Variants in CCSER1 observed in about 807,000 individuals in gnomAD.
CCSER1 encodes coiled-coil serine rich protein 1, also known as serine-rich coiled-coil domain-containing protein 1.
CCSER1 carries 41 observed loss-of-function variants against 82.0 expected under a neutral mutation model. That is an observed-to-expected ratio of 0.50 (90% confidence interval 0.39 to 0.65). CCSER1 has a LOEUF of 0.65. CCSER1 is among the 30% of genes least tolerant of loss of function. CCSER1 has a pLI of 0.00. For missense variants in CCSER1, 1,119 were observed against 1,064.2 expected, an observed-to-expected ratio of 1.05 and a Z score of -0.72; for synonymous variants, 414 against 383.9, an observed-to-expected ratio of 1.08 and a Z score of -0.92.
At chr4:90,556,115 T>C in intron 5 of CCSER1, among the ~76,000 whole-genome samples, 1 of 152,138 alleles carries the variant, frequency 6.6e-6, no homozygotes, top group East Asian at 1.9e-4. Flanking sequence ...CACTTTGAGC[T>C]ACTCATCTGG....
chr4:91,431,571 G>A (rs572828006), intron 10 of CCSER1, among the ~76,000 whole-genome samples: 201 of 152,054 alleles, frequency 1.3e-3, no homozygotes, highest in African/African-American at 4.6e-3. Context: ...AGGTTCAAGC[G>A]ATTCTCCTGC....
chr4:91,231,413 C>A (rs931077449), intron 10 of CCSER1, among the ~76,000 whole-genome samples: 4 of 151,816 alleles, frequency 2.6e-5, no homozygotes, highest in African/African-American at 7.2e-5. Flanking sequence ...CCTACACACA[C>A]ATACACATAT....
At chr4:90,624,562 T>C (rs760028462) in intron 5 of CCSER1, among the ~76,000 whole-genome samples, 8 of 152,166 alleles carry the variant, frequency 5.3e-5, no homozygotes, top group Non-Finnish European at 8.8e-5. Context: ...GATAAGAAAT[T>C]CCTTTCACAC....
chr4:90,411,401 C>T (rs372679300), intron 4 of CCSER1, among the ~76,000 whole-genome samples: 2 of 152,176 alleles, frequency 1.3e-5, no homozygotes, highest in East Asian at 3.8e-4. Context: ...CTGAATCCAG[C>T]AACACATCAA....
intron 10 of CCSER1, among the ~76,000 whole-genome samples, chr4:91,091,313 G>A (rs1032662215): frequency 6.6e-6 from 1 of 152,078 alleles, no homozygotes. Flanking sequence ...GGTTCAGAGG[G>A]GTCATAGCAC....
At chr4:90,730,339 CT>C in intron 7 of CCSER1, among the ~76,000 whole-genome samples, 1 of 151,994 alleles carries the variant, frequency 6.6e-6, no homozygotes. Context: ...TTAGAAATCG[CT>C]TTTTTAATGT....
At chr4:90,418,147 C>A (rs915204952) in intron 4 of CCSER1, among the ~76,000 whole-genome samples, 4 of 151,866 alleles carry the variant, frequency 2.6e-5, no homozygotes, top group Non-Finnish European at 5.9e-5. Context: ...AAAATGGGCG[C>A]GATGATGTAT....
At chr4:90,230,342 G>T (rs1744212150) in intron 1 of CCSER1, among the ~76,000 whole-genome samples, 1 of 152,104 alleles carries the variant, frequency 6.6e-6, no homozygotes, top group South Asian at 2.1e-4. Flanking sequence ...CAACTACATG[G>T]AAACTGAACA....
chr4:91,035,948 G>A (rs1350495459), intron 9 of CCSER1, among the ~76,000 whole-genome samples: 1 of 152,190 alleles, frequency 6.6e-6, no homozygotes, highest in Non-Finnish European at 1.5e-5. Flanking sequence ...CCACTTGGCT[G>A]GCTATTCTAG....
chr4:90,891,717 C>T (rs748040541), intron 8 of CCSER1, among the ~76,000 whole-genome samples: 2 of 152,036 alleles, frequency 1.3e-5, no homozygotes, highest in African/African-American at 4.8e-5. Context: ...CTTTTACCAG[C>T]TGGTTTCCTT....
intron 5 of CCSER1, among the ~76,000 whole-genome samples, chr4:90,557,215 C>T (rs992338709): frequency 3.9e-5 from 6 of 151,924 alleles, no homozygotes; most frequent in South Asian, 2.1e-4. Context: ...AATTGCTCAG[C>T]GGATAATACC....
At chr4:90,582,747 G>T (rs1170407352) in intron 5 of CCSER1, among the ~76,000 whole-genome samples, 1 of 152,156 alleles carries the variant, frequency 6.6e-6, no homozygotes, top group East Asian at 1.9e-4. Flanking sequence ...GATATTTAAA[G>T]TAACCCTTTT....
rs1755513088 is a variant in CCSER1, at chr4:90,414,605, T to G, written c.1603+14476T>G. On this transcript the variant is annotated intron_variant, in intron 4 of 10. Transcript: ENST00000509176. Reference sequence around the variant, plus strand: ...ACACTTTTTATCTGTCCTCACTTTCTTATTCATGTTTGTATAGTATTGTTT... The same window carrying G: ...ACACTTTTTATCTGTCCTCACTTTCGTATTCATGTTTGTATAGTATTGTTT... Among the ~76,000 whole-genome samples the G allele has an allele frequency of 2.0e-5, 3 of 152,160 alleles. No individual in the cohort carries two copies. The South Asian group carries it at 6.2e-4, about 32-fold the overall frequency.
At chr4:91,342,751 A>T (rs1747800333) in intron 10 of CCSER1, among the ~76,000 whole-genome samples, 1 of 152,152 alleles carries the variant, frequency 6.6e-6, no homozygotes, top group South Asian at 2.1e-4. Flanking sequence ...TGTTTCAATT[A>T]CATATAGGTT....
chr4:91,249,085 C>T (rs1267100289), intron 10 of CCSER1, among the ~76,000 whole-genome samples: 1 of 152,076 alleles, frequency 6.6e-6, no homozygotes, highest in Admixed American at 6.5e-5. Flanking sequence ...GTATAAATCA[C>T]ATAAATCAAG....
chr4:91,479,608 G>A (rs2110038489), intron 10 of CCSER1, among the ~76,000 whole-genome samples: 1 of 151,298 alleles, frequency 6.6e-6, no homozygotes, highest in East Asian at 1.9e-4. Flanking sequence ...CAATAATGCT[G>A]TTCAGGGTAT....
chr4:91,230,013 C>A (rs1412523826), intron 10 of CCSER1, among the ~76,000 whole-genome samples: 3 of 152,080 alleles, frequency 2.0e-5, no homozygotes, highest in African/African-American at 4.8e-5. Flanking sequence ...AAATTAATTT[C>A]TTTTGTACCC....
At chr4:90,432,826 A>G (rs1758474972) in intron 4 of CCSER1, among the ~76,000 whole-genome samples, 1 of 152,140 alleles carries the variant, frequency 6.6e-6, no homozygotes, top group African/African-American at 2.4e-5. Flanking sequence ...AGCATTGAGT[A>G]AATACTAGTT....
chr4:91,523,666 G>T (rs1236050686), intron 10 of CCSER1, among the ~76,000 whole-genome samples: 2 of 152,152 alleles, frequency 1.3e-5, no homozygotes, highest in African/African-American at 4.8e-5. Flanking sequence ...TTGCGTAGAG[G>T]TGTTTCTGGT....
Sources: allele counts gnomAD v4.1 joint callset (sites outside exome capture counted in the v4.1 genomes callset), GRCh38; gene constraint gnomAD v4.1.1; transcripts MANE v1.5; gene names NCBI Gene and HGNC (gene_info 2026-07-23, HGNC 2026-07-21).